The following DNAH5 variants were observed in gnomAD, a reference collection of about 807,000 sequenced individuals.
DNAH5 encodes the protein axonemal beta dynein heavy chain 5.
DNAH5 carries 372 observed loss-of-function variants against 518.2 expected under a neutral mutation model. The ratio of observed to expected loss-of-function variants is 0.72; its 90% CI spans 0.66 to 0.78. The LOEUF (loss-of-function observed/expected upper bound fraction) is 0.78. Among genes scored for constraint, DNAH5 ranks in the 30% least tolerant of loss-of-function variants. DNAH5 has a pLI of 0.00. For synonymous variants in DNAH5, 2,039 were observed against 2,025.9 expected, an observed-to-expected ratio of 1.01 and a Z score of -0.17; for missense variants, 5,523 against 5,687.0, an observed-to-expected ratio of 0.97 and a Z score of 0.93.
chr5:13,721,281 TCC>T, intron 70 of DNAH5, 36 bp from the exon 71 acceptor site: 1 of 1,613,696 alleles, frequency 6.2e-7, no homozygotes, highest in Non-Finnish European at 8.5e-7. Context: ...TAAAAGTCAT[TCC>T]AACTCTTTCA....
In DNAH5 at chr5:13,914,511, G is replaced by A. The variant is rs1350013656; in HGVS notation, c.1320+9C>T. ...GAATAGAACATCTAAATACTAAACT[G>A]ACCATTACCTGTTTCAGTTTAATCG... On this transcript the variant is annotated intron_variant, in intron 10 of 78. Coordinates refer to ENST00000265104, the MANE Select transcript of DNAH5 (RefSeq NM_001369.3). The A allele has an allele frequency of 2.5e-6, 4 of 1,612,166 alleles. No individual in the cohort carries two copies. Among genetic ancestry groups the A allele is most frequent in the Non-Finnish European group, 3.4e-6 (4 of 1,179,166 alleles).
chr5:13,738,950 T>G (rs1159943249), intron 65 of DNAH5, among the ~76,000 whole-genome samples: 3 of 152,208 alleles, frequency 2.0e-5, no homozygotes, highest in Non-Finnish European at 4.4e-5. Flanking sequence ...TATGTTTAAC[T>G]GCGTTTATAA....
chr5:13,709,902 A>T (rs1307878783), intron 75 of DNAH5, among the ~76,000 whole-genome samples: 1 of 152,182 alleles, frequency 6.6e-6, no homozygotes. Flanking sequence ...GACAAACGGC[A>T]TATAATCTTG....
rs187748025 is a variant in DNAH5, at chr5:13,838,353, G to A, written c.5882+1003C>T. 2.6e-5 allele frequency among the ~76,000 whole-genome samples: 4 copies of A among 152,276 alleles called. No individual in the cohort carries two copies. In the East Asian group the frequency reaches 7.7e-4, roughly 29 times the overall value. ...CCGGGCCACACAGCAGGAGGTGGGC[G>A]GCGGGCAAGTGAGAGAAGCTTCATC... On this transcript the variant is annotated intron_variant, in intron 35 of 78. Transcript: ENST00000265104.
At chr5:13,785,780 T>C (rs918108693) in intron 52 of DNAH5, among the ~76,000 whole-genome samples, 1 of 152,216 alleles carries the variant, frequency 6.6e-6, no homozygotes, top group African/African-American at 2.4e-5. Context: ...CCCTTCTGAG[T>C]CTGGCTTACT....
chr5:13,779,229 G>C (rs1311056827), intron 53 of DNAH5, among the ~76,000 whole-genome samples: 1 of 152,158 alleles, frequency 6.6e-6, no homozygotes, highest in Non-Finnish European at 1.5e-5. Context: ...TATGTAGCTT[G>C]ATTTCTAACC....
intron 56 of DNAH5, 24 bp from the exon 57 acceptor site, chr5:13,769,639 C>T (rs756140929): frequency 6.9e-6 from 11 of 1,588,782 alleles, no homozygotes; most frequent in South Asian, 3.3e-5. Context: ...TCCAAGCAAG[C>T]AATGTTAAAA....
chr5:13,737,019 G>A (rs899814019), intron 66 of DNAH5, among the ~76,000 whole-genome samples: 2 of 152,030 alleles, frequency 1.3e-5, no homozygotes, highest in African/African-American at 2.4e-5. Context: ...AAGTTCATGA[G>A]AACCTTAAAG....
At chr5:13,825,460 A>T (rs181888442) in intron 38 of DNAH5, among the ~76,000 whole-genome samples, 2 of 152,234 alleles carry the variant, frequency 1.3e-5, no homozygotes, top group Non-Finnish European at 2.9e-5. Flanking sequence ...GAAGCAACCC[A>T]AATGTCCATT....
chr5:13,984,721 G>A (rs1782913983), intron 1 of DNAH5, among the ~76,000 whole-genome samples: 2 of 152,138 alleles, frequency 1.3e-5, no homozygotes, highest in African/African-American at 4.8e-5. Flanking sequence ...CTAATTTATT[G>A]AGAGTTTTTA....
chr5:13,974,057 G>A (rs888206618), intron 1 of DNAH5, among the ~76,000 whole-genome samples: 1 of 151,704 alleles, frequency 6.6e-6, no homozygotes, highest in Non-Finnish European at 1.5e-5. Flanking sequence ...GCTATGCACA[G>A]GTATTCCCAC....
chr5:13,844,842 C>A lies in DNAH5; in HGVS notation c.5266G>T (p.Glu1756Ter), dbSNP rs116524991. ...GCCATTAGAATTAGGCGAACCTTTT[C>A]GTGGAACTTGACAGATTTAATGTTG... ...FDNIKSVKFHEKIYDRILSIS... is the reference protein window; with the variant it reads ...FDNIKSVKFH Residue 1756 changes from glutamate (E) to a stop codon, truncating the protein, a stop_gained, in exon 32 of 79, where the codon GAA becomes TAA. Coordinates refer to ENST00000265104, the MANE Select transcript of DNAH5 (RefSeq NM_001369.3). LOFTEE classifies it high-confidence loss of function. 6.2e-7 allele frequency: 1 copy of A among 1,614,158 alleles called. No homozygotes were observed. The highest frequency in any genetic ancestry group is 8.5e-7 in the Non-Finnish European group (1 of 1,180,018).
At chr5:13,948,102 T>A (rs1780072777), upstream of DNAH5, among the ~76,000 whole-genome samples, 1 of 152,122 alleles carries the variant, frequency 6.6e-6, no homozygotes, top group African/African-American at 2.4e-5. Context: ...AAGCTCCATG[T>A]GAGGAAGAAA....
intron 31 of DNAH5, among the ~76,000 whole-genome samples, chr5:13,845,832 C>CTTTT (rs557275110): frequency 1.8e-5 from 2 of 110,666 alleles, no homozygotes; most frequent in African/African-American, 7.1e-5. Flanking sequence ...CTTTTTTGAC[C>CTTTT]TTTTTTTTTT....
At chr5:13,727,709 T>TCCC (rs1561123134) in intron 69 of DNAH5, 53 bp from the exon 70 acceptor site, 1 of 1,596,100 alleles carries the variant, frequency 6.3e-7, no homozygotes, top group Admixed American at 1.7e-5. Flanking sequence ...AATCTTTCAG[T>TCCC]AACAGGTCAT....
chr5:13,708,818 C>T (rs1464006006), intron 75 of DNAH5, among the ~76,000 whole-genome samples: 1 of 152,202 alleles, frequency 6.6e-6, no homozygotes, highest in East Asian at 1.9e-4. Context: ...CATTATCATC[C>T]TACAAGTATT....
At position 13,891,258 on chromosome 5, in the gene DNAH5, C is replaced by G. The variant is rs145525860; in HGVS notation, c.2432-137G>C. Reference sequence around the variant, plus strand: ...GTTACGTATGTTCCCCAGATCCCCACTGATTCACACTTGGTTGTCGCTAAT... The same window carrying G: ...GTTACGTATGTTCCCCAGATCCCCAGTGATTCACACTTGGTTGTCGCTAAT... On this transcript the variant is annotated intron_variant, in intron 16 of 78. Transcript: ENST00000265104. The G allele has an allele frequency of 5.5e-3, 4,702 of 848,812 alleles. 57 individuals are homozygous for G. The highest frequency in any genetic ancestry group is 0.028 in the South Asian group (1,825 of 65,546). The allele number at this position is 848,812 out of a possible 1,614,324, so 52.6% of individuals were successfully genotyped here.
At chr5:13,858,802 T>A (rs1426736234) in intron 30 of DNAH5, among the ~76,000 whole-genome samples, 1 of 152,176 alleles carries the variant, frequency 6.6e-6, no homozygotes, top group Non-Finnish European at 1.5e-5. Flanking sequence ...TAATCATGCT[T>A]CTAAAACTGA....
chr5:13,854,689 GA>G (rs1413119571), intron 30 of DNAH5, among the ~76,000 whole-genome samples: 1 of 120,622 alleles, frequency 8.3e-6, no homozygotes, highest in African/African-American at 2.9e-5. Flanking sequence ...CAAGCAAATG[GA>G]AAGCAAAGAA....
Sources: allele counts gnomAD v4.1 joint callset (sites outside exome capture counted in the v4.1 genomes callset), GRCh38; gene constraint gnomAD v4.1.1; transcripts MANE v1.5; gene names NCBI Gene and HGNC (gene_info 2026-07-23, HGNC 2026-07-21).